The following PCDHA8 variants were observed in gnomAD, a reference collection of about 807,000 sequenced individuals.
PCDHA8 encodes the protein protocadherin alpha 8.
Under a neutral mutation model 61.8 loss-of-function variants are expected in PCDHA8, and 53 were observed. The observed-to-expected ratio is 0.86, with a 90% confidence interval of 0.69 to 1.08. The LOEUF is 1.08. Ranked by LOEUF, PCDHA8 falls within the 50% of genes least tolerant of loss-of-function variation. The probability of loss-of-function intolerance (pLI) is 0.00; values close to 1 mark genes in which losing one functional copy is unlikely to be tolerated. For missense variants in PCDHA8, 1,293 were observed against 1,245.0 expected (o/e 1.04, Z -0.58); for synonymous variants, 618 against 556.6 (o/e 1.11, Z -1.55).
chr5:140,872,452 T>G (rs1459875737), intron 1 of PCDHA8, among the ~76,000 whole-genome samples: 1 of 151,968 alleles, frequency 6.6e-6, no homozygotes, highest in East Asian at 1.9e-4. Context: ...CATAGCGAGA[T>G]CCTGTCTCTA....
intron 1 of PCDHA8, among the ~76,000 whole-genome samples, chr5:140,974,062 G>T (rs1014435483): frequency 2.0e-5 from 3 of 152,222 alleles, no homozygotes; most frequent in Non-Finnish European, 4.4e-5. Context: ...ATTTGGAGCA[G>T]TATAATCTAT....
At chr5:140,871,062 C>CT in intron 1 of PCDHA8, 1 of 1,613,220 alleles carries the variant, frequency 6.2e-7, no homozygotes, top group South Asian at 1.1e-5. Context: ...TGAAGGATCA[C>CT]GGTGAGCCGG....
chr5:141,009,019 C>G (rs1160022658), intron 3 of PCDHA8, among the ~76,000 whole-genome samples: 2 of 152,232 alleles, frequency 1.3e-5, no homozygotes, highest in African/African-American at 4.8e-5. Flanking sequence ...CCTTTAGGCT[C>G]TGTATTTCCC....
intron 1 of PCDHA8, among the ~76,000 whole-genome samples, chr5:140,904,548 A>T (rs1280388333): frequency 1.3e-5 from 2 of 152,050 alleles, no homozygotes; most frequent in Admixed American, 1.3e-4. Flanking sequence ...TCTTTTTCAT[A>T]TAATGACTTT....
In PCDHA8 at chr5:140,877,445, C is replaced by T. The variant is rs782657623; in HGVS notation, c.2394+33730C>T. ...CTGGTGAAGGACCACGGTGAGCCCG[C>T]GCTGACGTCCACGGCCACGGTGCTG... On this transcript the variant is annotated intron_variant, in intron 1 of 3. Transcript: ENST00000531613. 36 of 1,613,714 alleles carry T rather than the reference C, an allele frequency of 2.2e-5. No individual in the cohort carries two copies. The highest frequency in any genetic ancestry group is 3.0e-5 in the Non-Finnish European group (35 of 1,179,874).
intron 1 of PCDHA8, chr5:140,870,461 C>A (rs1554164294): frequency 6.8e-6 from 11 of 1,614,128 alleles, no homozygotes; most frequent in Non-Finnish European, 9.3e-6. Context: ...AATGCGCCTG[C>A]GTTCGCACAG....
chr5:140,889,541 ATTTAC>A (rs1434823292), intron 1 of PCDHA8, among the ~76,000 whole-genome samples: 9 of 151,878 alleles, frequency 5.9e-5, no homozygotes, highest in African/African-American at 2.2e-4. Context: ...TTCCTGTCTA[ATTTAC>A]TTTTCTTCAG....
At position 140,879,431 on chromosome 5, in the gene PCDHA8, T is replaced by G. The variant is rs78313657; in HGVS notation, c.2394+35716T>G. 2.0e-5 allele frequency among the ~76,000 whole-genome samples: 3 copies of G among 152,202 alleles called. No homozygotes were observed. In the East Asian group the frequency reaches 5.8e-4, roughly 29 times the overall value. The stretch of plus-strand genomic sequence containing the variant: ...AGCAGGTAGGGAATGGAGATGAACA[T>G]TTAAGAAAATGTTACTTTGAAGTCC... On this transcript the variant is annotated intron_variant, in intron 1 of 3. Transcript: ENST00000531613.
At chr5:140,955,240 G>A (rs2095156409) in intron 1 of PCDHA8, among the ~76,000 whole-genome samples, 1 of 152,102 alleles carries the variant, frequency 6.6e-6, no homozygotes, top group African/African-American at 2.4e-5. Flanking sequence ...TTTTGCTTAG[G>A]ATCGGCTTGG....
In PCDHA8 at chr5:140,857,031, C is replaced by A. The variant is rs782539359; in HGVS notation, c.2394+13316C>A. 6 of 1,596,318 alleles carry A rather than the reference C, an allele frequency of 3.8e-6. No homozygotes were observed. The South Asian group carries it at 6.6e-5, about 18-fold the overall frequency. On this transcript the variant is annotated intron_variant, in intron 1 of 3. Coordinates refer to ENST00000531613, the MANE Select transcript of PCDHA8 (RefSeq NM_018911.3). The stretch of plus-strand genomic sequence containing the variant: ...GATGTTACAGATAAGGGAAACCCAC[C>A]TATGGTTGGTCACTGCACGGTCCTA...
At position 140,981,056 on chromosome 5, in the gene PCDHA8, G is replaced by A. The variant is rs571113984; in HGVS notation, c.2454-1419G>A. 1.5e-3 allele frequency among the ~76,000 whole-genome samples: 227 copies of A among 152,276 alleles called. 1 individual carries two copies. Among genetic ancestry groups the A allele is most frequent in the African/African-American group, 5.2e-3 (217 of 41,556 alleles). ...GGGAAAAAAAACAGATAATTCTAGA[G>A]TGTAGACAAGGGGAAGAATAGTAAA... On this transcript the variant is annotated intron_variant, in intron 2 of 3. Transcript: ENST00000531613.
At chr5:140,923,181 A>T (rs2081206798) in intron 1 of PCDHA8, among the ~76,000 whole-genome samples, 1 of 152,158 alleles carries the variant, frequency 6.6e-6, no homozygotes, top group Non-Finnish European at 1.5e-5. Flanking sequence ...GTTCAGATGC[A>T]TCTACTGCAG....
intron 3 of PCDHA8, among the ~76,000 whole-genome samples, chr5:140,991,888 A>T (rs1374098533): frequency 6.6e-6 from 1 of 152,178 alleles, no homozygotes; most frequent in African/African-American, 2.4e-5. Context: ...TGCCATAACA[A>T]ATTAACACAA....
intron 1 of PCDHA8, among the ~76,000 whole-genome samples, chr5:140,971,538 C>T (rs1162304462): frequency 6.6e-6 from 1 of 152,122 alleles, no homozygotes; most frequent in African/African-American, 2.4e-5. Flanking sequence ...GTCATCATTG[C>T]CAGATCAACC....
chr5:140,967,121 C>T, intron 1 of PCDHA8: 1 of 1,612,916 alleles, frequency 6.2e-7, no homozygotes, highest in East Asian at 2.2e-5. Flanking sequence ...TCGCTGCCTG[C>T]TCAGCTTGGA....
intron 1 of PCDHA8, chr5:140,883,208 A>G: frequency 6.2e-7 from 1 of 1,614,034 alleles, no homozygotes; most frequent in Non-Finnish European, 8.5e-7. Flanking sequence ...CGAAGAAAAG[A>G]AATTATATGA....
At chr5:140,895,332 G>C (rs1021596445) in intron 1 of PCDHA8, among the ~76,000 whole-genome samples, 1 of 151,584 alleles carries the variant, frequency 6.6e-6, no homozygotes, top group South Asian at 2.1e-4. Context: ...TTCTCAAATT[G>C]TTTTACTATG....
At chr5:140,929,322 C>T in intron 1 of PCDHA8, 1 of 1,540,684 alleles carries the variant, frequency 6.5e-7, no homozygotes, top group Non-Finnish European at 8.8e-7. Context: ...ATGTCAATGC[C>T]ATGGTAAGCA....
At chr5:140,885,274 AT>A (rs2153409165) in intron 1 of PCDHA8, among the ~76,000 whole-genome samples, 1 of 152,248 alleles carries the variant, frequency 6.6e-6, no homozygotes, top group South Asian at 2.1e-4. Context: ...ATACATATAT[AT>A]ATACATATAT....
Sources: allele counts gnomAD v4.1 joint callset (sites outside exome capture counted in the v4.1 genomes callset), GRCh38; gene constraint gnomAD v4.1.1; transcripts MANE v1.5; gene names NCBI Gene and HGNC (gene_info 2026-07-23, HGNC 2026-07-21).